The following CPEB3 variants were observed in gnomAD, a reference collection of about 807,000 sequenced individuals.
CPEB3 encodes cytoplasmic polyadenylation element binding protein 3.
In CPEB3, 20 loss-of-function variants were observed where a neutral mutation model predicts 67.2. That is an observed-to-expected ratio of 0.30 (90% CI 0.21 to 0.43). CPEB3 has a LOEUF of 0.43. CPEB3 is among the 20% of genes least tolerant of loss of function. The probability of loss-of-function intolerance (pLI) is 1.00; values close to 1 mark genes in which losing one functional copy is unlikely to be tolerated. For missense variants in CPEB3, 746 were observed against 968.6 expected (o/e 0.77, Z 3.05); for synonymous variants, 376 against 393.1 (o/e 0.96, Z 0.51).
intron 7 of CPEB3, among the ~76,000 whole-genome samples, chr10:92,098,970 C>T (rs1029190810): frequency 6.6e-6 from 1 of 151,734 alleles, no homozygotes; most frequent in African/African-American, 2.4e-5. Context: ...CAGGGTTTCA[C>T]CATGTTGGCC....
intron 8 of CPEB3, among the ~76,000 whole-genome samples, chr10:92,082,175 C>A (rs1307778640): frequency 6.6e-6 from 1 of 152,194 alleles, no homozygotes; most frequent in East Asian, 1.9e-4. Flanking sequence ...TAAGGTGCCA[C>A]ACAAATAGTA....
chr10:92,151,538 T>A (rs955697559), intron 4 of CPEB3, among the ~76,000 whole-genome samples: 1 of 152,158 alleles, frequency 6.6e-6, no homozygotes, highest in Non-Finnish European at 1.5e-5. Flanking sequence ...GGATTTCAGA[T>A]CCCCAGGAAC....
At chr10:92,137,378 T>C in intron 6 of CPEB3, 1 of 1,106,332 alleles carries the variant, frequency 9.0e-7, no homozygotes, top group Non-Finnish European at 1.3e-6. Flanking sequence ...CCCAAATACA[T>C]CAAGATGTTT....
intron 1 of CPEB3, chr10:92,272,057 CTATTAT>C (rs1045862516): frequency 6.6e-6 from 1 of 152,072 alleles, no homozygotes; most frequent in African/African-American, 2.4e-5. Flanking sequence ...TAATTCATTA[CTATTAT>C]TATTTTGTTG....
At chr10:92,199,118 G>A (rs1288160158) in intron 2 of CPEB3, among the ~76,000 whole-genome samples, 1 of 152,214 alleles carries the variant, frequency 6.6e-6, no homozygotes, top group Non-Finnish European at 1.5e-5. Context: ...CTGGCAGGGC[G>A]CAGTGGCTCA....
intron 4 of CPEB3, among the ~76,000 whole-genome samples, chr10:92,178,261 C>T (rs896195753): frequency 6.6e-6 from 1 of 151,384 alleles, no homozygotes; most frequent in Non-Finnish European, 1.5e-5. Flanking sequence ...TGGGTTCAGG[C>T]GATTCTCCTG....
At chr10:92,068,745 G>A (rs1842648308) in intron 9 of CPEB3, among the ~76,000 whole-genome samples, 1 of 152,182 alleles carries the variant, frequency 6.6e-6, no homozygotes, top group African/African-American at 2.4e-5. Flanking sequence ...AAGTCAGGAC[G>A]TGGAAGGAGA....
intron 8 of CPEB3, among the ~76,000 whole-genome samples, chr10:92,085,029 T>G (rs541586419): frequency 6.6e-6 from 1 of 152,308 alleles, no homozygotes; most frequent in South Asian, 2.1e-4. Context: ...TTAAATGAAC[T>G]CATTTAAGTA....
At chr10:92,080,599 CT>C (rs112857749) in intron 9 of CPEB3, among the ~76,000 whole-genome samples, 464 of 143,280 alleles carry the variant, frequency 3.2e-3, no homozygotes, top group Non-Finnish European at 3.3e-3. Flanking sequence ...TTGCAATTTT[CT>C]TTTTTTTTTT....
intron 2 of CPEB3, among the ~76,000 whole-genome samples, chr10:92,194,865 C>CGGG (rs1049792629): frequency 6.6e-6 from 1 of 152,010 alleles, no homozygotes; most frequent in Non-Finnish European, 1.5e-5. Flanking sequence ...CATGGTGAAA[C>CGGG]TCCGTCTCTA....
At chr10:92,263,150 A>C (rs1196950984) in intron 1 of CPEB3, among the ~76,000 whole-genome samples, 2 of 152,196 alleles carry the variant, frequency 1.3e-5, no homozygotes, top group Non-Finnish European at 2.9e-5. Flanking sequence ...ATCTCGGCTC[A>C]CTGCAACCTC....
Position 92,069,641 on chromosome 10 carries a change from AT to A in CPEB3, c.1869+11678del, listed in dbSNP as rs1201503656. The stretch of plus-strand genomic sequence containing the variant: ...GCTGGTCTCGAACTCCTGACCTCAA[AT>A]GATCCACCCGCCTTGGCCTCCCAAA... On this transcript the variant is annotated intron_variant, in intron 9 of 9. Coordinates refer to ENST00000265997, the MANE Select transcript of CPEB3 (RefSeq NM_014912.5). 4.6e-5 allele frequency among the ~76,000 whole-genome samples: 7 copies of A among 152,228 alleles called. No individual in the cohort carries two copies. In the East Asian group the frequency reaches 1.2e-3, roughly 25 times the overall value.
chr10:92,099,632 T>C (rs988444263), intron 7 of CPEB3, among the ~76,000 whole-genome samples: 2 of 144,942 alleles, frequency 1.4e-5, no homozygotes, highest in Non-Finnish European at 3.0e-5. Context: ...GGCAGGTGGA[T>C]CACCTGAGGT....
chr10:92,100,423 G>A (rs950872091), intron 7 of CPEB3, among the ~76,000 whole-genome samples: 17 of 152,094 alleles, frequency 1.1e-4, no homozygotes, highest in Admixed American at 3.3e-4. Context: ...ACCGGCATGC[G>A]CCACCACGCC....
rs147097300 is a variant in CPEB3, at chr10:92,274,068, G to A, written c.-12+16858C>T. On this transcript the variant is annotated intron_variant, in intron 1 of 9. Coordinates refer to ENST00000265997, the MANE Select transcript of CPEB3 (RefSeq NM_014912.5). ...TTCACATACTCTTATACTTTCTGAC[G>A]TCAGCTGATTCAAATGTCAGCCATG... 7.6e-3 allele frequency among the ~76,000 whole-genome samples: 1,163 copies of A among 152,138 alleles called. 16 individuals carry two copies. Among genetic ancestry groups the A allele is most frequent in the South Asian group, 0.048 (232 of 4,816 alleles).
intron 2 of CPEB3, among the ~76,000 whole-genome samples, chr10:92,219,903 A>G (rs1850609670): frequency 6.6e-6 from 1 of 152,234 alleles, no homozygotes; most frequent in African/African-American, 2.4e-5. Flanking sequence ...CACGCCTGTA[A>G]TCCCAACACT....
intron 4 of CPEB3, among the ~76,000 whole-genome samples, chr10:92,170,912 C>T (rs1343486971): frequency 6.6e-6 from 1 of 152,118 alleles, no homozygotes. Flanking sequence ...ATTTCTACAA[C>T]TGTATATAAA....
intron 1 of CPEB3, among the ~76,000 whole-genome samples, chr10:92,289,659 C>T (rs1259629042): frequency 1.4e-5 from 2 of 139,458 alleles, no homozygotes; most frequent in East Asian, 2.1e-4. Context: ...GCGGGTGGCT[C>T]GCTTGAGCCC....
At chr10:92,220,821 C>G (rs895360623) in intron 2 of CPEB3, among the ~76,000 whole-genome samples, 2 of 152,178 alleles carry the variant, frequency 1.3e-5, no homozygotes, top group African/African-American at 2.4e-5. Flanking sequence ...GGTTTCCATT[C>G]TAGCCTGTAA....
Sources: allele counts gnomAD v4.1 joint callset (sites outside exome capture counted in the v4.1 genomes callset), GRCh38; gene constraint gnomAD v4.1.1; transcripts MANE v1.5; gene names NCBI Gene and HGNC (gene_info 2026-07-23, HGNC 2026-07-21).